The following KLHL7 variants were observed in gnomAD, a reference collection of about 807,000 sequenced individuals.
KLHL7 encodes kelch-like protein 7.
Under a neutral mutation model 67.4 loss-of-function variants are expected in KLHL7, and 44 were observed. The observed-to-expected ratio is 0.65, with a 90% CI of 0.51 to 0.84. The LOEUF is 0.84. Among genes scored for constraint, KLHL7 ranks in the 40% least tolerant of loss-of-function variants. The pLI is 0.00. For missense variants in KLHL7, 362 were observed against 718.1 expected (o/e 0.50, Z 5.67); for synonymous variants, 252 against 243.3 (o/e 1.04, Z -0.33).
intron 4 of KLHL7, among the ~76,000 whole-genome samples, chr7:23,127,246 G>A (rs986133977): frequency 6.6e-6 from 1 of 152,176 alleles, no homozygotes; most frequent in Non-Finnish European, 1.5e-5. Context: ...AGCATAGTGT[G>A]GAACCTGGAG....
In KLHL7 at chr7:23,142,357, A is replaced by G. The variant is rs559195654; in HGVS notation, c.618+1413A>G. Among the ~76,000 whole-genome samples the G allele has an allele frequency of 7.4e-4, 113 of 152,322 alleles. 5 individuals carry two copies. The South Asian group carries it at 0.023, about 31-fold the overall frequency. On this transcript the variant is annotated intron_variant, in intron 5 of 10. Transcript: ENST00000339077. ...GTTTTAAGTTGCTTTTGTTCTAAAA[A>G]CAAAAATTTGCACTTAGCAATGTTC...
chr7:23,167,917 G>A lies in KLHL7; in HGVS notation c.1259G>A (p.Arg420His), dbSNP rs755769078. 4.7e-5 allele frequency: 76 copies of A among 1,614,238 alleles called. No individual in the cohort carries two copies. Among genetic ancestry groups the A allele is most frequent in the Middle Eastern group, 3.3e-4 (2 of 6,060 alleles). Residue 420 changes from arginine to histidine, a missense_variant, in exon 9 of 11, where the codon CGC becomes CAC. Arg to His is a conservative substitution (Grantham distance 29, BLOSUM62 0). Coordinates refer to ENST00000339077, the MANE Select transcript of KLHL7 (RefSeq NM_001031710.3). ...ACAAAGCCCAGCATGCTGACCCAGCGCTGCAGCCATGGGATGGTGGAAGCC... is the reference window on the plus strand; with the variant it reads ...ACAAAGCCCAGCATGCTGACCCAGCACTGCAGCCATGGGATGGTGGAAGCC... ...WHTKPSMLTQ[R>H]CSHGMVEANG...
Position 23,107,840 on chromosome 7 carries a change from T to A in KLHL7, c.120+1694T>A, listed in dbSNP as rs577240985. ...GTTCTCCAATAGCACTTTTATCAACTTCATGGAATCATGCATCTTTTGCAA... is the reference window on the plus strand; with the variant it reads ...GTTCTCCAATAGCACTTTTATCAACATCATGGAATCATGCATCTTTTGCAA... On this transcript the variant is annotated intron_variant, in intron 1 of 10. Coordinates refer to ENST00000339077, the MANE Select transcript of KLHL7 (RefSeq NM_001031710.3). Among the ~76,000 whole-genome samples, 4 of 152,358 alleles carry A rather than the reference T, an allele frequency of 2.6e-5. 1 individual carries two copies. In the South Asian group the frequency reaches 8.3e-4, roughly 32 times the overall value.
At chr7:23,156,015 A>G (rs539897599) in intron 7 of KLHL7, 38 of 467,644 alleles carry the variant, frequency 8.1e-5, no homozygotes, top group Non-Finnish European at 1.5e-4. Context: ...ATATTCTTCT[A>G]CACGAGCCTG....
chr7:23,106,197 C>A, intron 1 of KLHL7, 51 bp downstream of exon 1: 2 of 1,593,354 alleles, frequency 1.3e-6, no homozygotes, highest in South Asian at 2.3e-5. Flanking sequence ...GTCCGGGGCT[C>A]GGGCCCCTGG....
At chr7:23,148,465 T>A (rs534417014) in intron 6 of KLHL7, among the ~76,000 whole-genome samples, 28 of 150,848 alleles carry the variant, frequency 1.9e-4, no homozygotes, top group African/African-American at 6.3e-4. Flanking sequence ...AACCATGGTA[T>A]AAGAGAGTGT....
At chr7:23,159,757 T>G (rs1187158833) in intron 7 of KLHL7, among the ~76,000 whole-genome samples, 1 of 152,186 alleles carries the variant, frequency 6.6e-6, no homozygotes, top group Admixed American at 6.5e-5. Context: ...TGTCAACTAC[T>G]GAGCTCAAGC....
intron 4 of KLHL7, among the ~76,000 whole-genome samples, chr7:23,139,029 C>T (rs577029661): frequency 1.3e-5 from 2 of 148,888 alleles, no homozygotes; most frequent in Admixed American, 6.7e-5. Flanking sequence ...CTTGTATATA[C>T]GTGTATGTGT....
chr7:23,161,212 A>T (rs531800731), intron 7 of KLHL7, among the ~76,000 whole-genome samples: 1 of 152,346 alleles, frequency 6.6e-6, no homozygotes, highest in South Asian at 2.1e-4. Context: ...ATCAGTAGTT[A>T]GTGAACATCA....
intron 1 of KLHL7, among the ~76,000 whole-genome samples, chr7:23,119,454 C>T (rs1285492813): frequency 6.6e-6 from 1 of 152,208 alleles, no homozygotes; most frequent in African/African-American, 2.4e-5. Flanking sequence ...CCCATCTCAG[C>T]CTCCCAAAGT....
intron 9 of KLHL7, among the ~76,000 whole-genome samples, chr7:23,171,862 G>A (rs858261): frequency 2.6e-5 from 4 of 152,042 alleles, no homozygotes; most frequent in South Asian, 2.1e-4. Context: ...GGCGCCTGCC[G>A]CCACGCCTGG....
intron 7 of KLHL7, among the ~76,000 whole-genome samples, chr7:23,152,958 G>C (rs186985157): frequency 1.3e-5 from 2 of 152,298 alleles, no homozygotes; most frequent in Admixed American, 1.3e-4. Flanking sequence ...ATATCCATAA[G>C]TGGTGCTGAA....
chr7:23,163,759 A>G (rs188890159), intron 7 of KLHL7, among the ~76,000 whole-genome samples: 26 of 152,338 alleles, frequency 1.7e-4, no homozygotes, highest in Non-Finnish European at 2.4e-4. Flanking sequence ...AATGAGAGAT[A>G]TATCAAAATT....
chr7:23,140,427 A>G (rs980464391), intron 4 of KLHL7, among the ~76,000 whole-genome samples: 4 of 152,272 alleles, frequency 2.6e-5, no homozygotes, highest in South Asian at 2.1e-4. Flanking sequence ...CGTGGTGGCG[A>G]GCACCTGTAG....
At chr7:23,167,078 A>G (rs1785023711) in intron 8 of KLHL7, among the ~76,000 whole-genome samples, 1 of 152,050 alleles carries the variant, frequency 6.6e-6, no homozygotes, top group African/African-American at 2.4e-5. Flanking sequence ...ATATTAGCCC[A>G]GAATGGTGGG....
intron 6 of KLHL7, among the ~76,000 whole-genome samples, chr7:23,147,400 A>AT (rs1784393213): frequency 6.6e-6 from 1 of 152,008 alleles, no homozygotes; most frequent in African/African-American, 2.4e-5. Context: ...TACCCTGGTC[A>AT]TTTTTTATGG....
intron 1 of KLHL7, among the ~76,000 whole-genome samples, chr7:23,114,183 G>C (rs1415551410): frequency 6.6e-6 from 1 of 152,160 alleles, no homozygotes; most frequent in East Asian, 1.9e-4. Context: ...GGACAGGTAA[G>C]GTATGTGTTA....
chr7:23,153,682 A>G (rs567335975), intron 7 of KLHL7, among the ~76,000 whole-genome samples: 1 of 152,350 alleles, frequency 6.6e-6, no homozygotes, highest in African/African-American at 2.4e-5. Context: ...CTCTGATTAT[A>G]TTGAGACATA....
At chr7:23,127,889 A>G (rs570922135) in intron 4 of KLHL7, among the ~76,000 whole-genome samples, 7 of 151,678 alleles carry the variant, frequency 4.6e-5, no homozygotes, top group Admixed American at 4.6e-4. Context: ...ACAAAAAAAA[A>G]CAGTAGTTTG....
Sources: gnomAD v4.1 joint callset for allele counts (sites outside exome capture counted in the v4.1 genomes callset) on GRCh38, gnomAD v4.1.1 for gene constraint, MANE v1.5 for transcripts, NCBI Gene and HGNC (gene_info 2026-07-23, HGNC 2026-07-21) for gene names.